LAMC1: variants seen among roughly 807,000 people sequenced by gnomAD.
The protein encoded by LAMC1 is laminin subunit gamma 1.
In LAMC1, 38 loss-of-function variants were observed where a neutral mutation model predicts 173.6. The observed-to-expected ratio is 0.22, with a 90% CI of 0.17 to 0.29. LAMC1 has a LOEUF of 0.29. Ranked by LOEUF, LAMC1 falls within the 10% of genes least tolerant of loss-of-function variation. The pLI is 1.00. For synonymous variants in LAMC1, 746 were observed against 749.1 expected (o/e 1.00, Z 0.07); for missense variants, 1,824 against 2,051.8 (o/e 0.89, Z 2.14).
At chr1:183,026,610 T>A (rs919235843) in intron 1 of LAMC1, among the ~76,000 whole-genome samples, 21 of 152,170 alleles carry the variant, frequency 1.4e-4, no homozygotes, top group Admixed American at 4.6e-4. Context: ...ATCTATTAAA[T>A]CTCCCTCCCA....
In LAMC1 at chr1:183,070,352, G is replaced by T. The variant is rs1470374203; in HGVS notation, c.419-32976G>T. On this transcript the variant is annotated intron_variant, in intron 1 of 27. Coordinates refer to ENST00000258341, the MANE Select transcript of LAMC1 (RefSeq NM_002293.4). ...GGACCAACTAGTGCTTCTGTTGGGGGTTCAGAGCTGAACCTCTTCTGCTGT... is the reference window on the plus strand; with the variant it reads ...GGACCAACTAGTGCTTCTGTTGGGGTTTCAGAGCTGAACCTCTTCTGCTGT... 2.6e-5 allele frequency among the ~76,000 whole-genome samples: 4 copies of T among 152,144 alleles called. No individual in the cohort carries two copies. The East Asian group carries it at 7.7e-4, about 29-fold the overall frequency.
At chr1:183,107,842 A>G (rs925174568) in intron 2 of LAMC1, among the ~76,000 whole-genome samples, 1 of 152,070 alleles carries the variant, frequency 6.6e-6, no homozygotes, top group African/African-American at 2.4e-5. Flanking sequence ...AAAAAAAGAA[A>G]AAAAAGGACA....
At chr1:183,142,076 G>A (rs1320028378) in intron 27 of LAMC1, among the ~76,000 whole-genome samples, 1 of 152,218 alleles carries the variant, frequency 6.6e-6, no homozygotes. Context: ...AGCAGAAAGT[G>A]ACCTTCAAAA....
At chr1:183,124,966 T>C (rs1656580492) in intron 14 of LAMC1, 90 bp downstream of exon 14, 2 of 1,475,192 alleles carry the variant, frequency 1.4e-6, no homozygotes, top group African/African-American at 1.4e-5. Context: ...TATAGTTGTT[T>C]AGTCCAATAG....
At chr1:183,063,680 A>T (rs369488816) in intron 1 of LAMC1, among the ~76,000 whole-genome samples, 13 of 152,218 alleles carry the variant, frequency 8.5e-5, no homozygotes, top group African/African-American at 3.1e-4. Context: ...AGAAACAAAA[A>T]CAAACACAGG....
chr1:183,140,496 G>A lies in LAMC1; in HGVS notation c.4566G>A (p.Glu1522=). 1 of 1,610,632 alleles carries A rather than the reference G, an allele frequency of 6.2e-7. No individual in the cohort carries two copies. Among genetic ancestry groups the A allele is most frequent in the Non-Finnish European group, 8.5e-7 (1 of 1,177,248 alleles). Residue 1522 remains glutamate, a synonymous_variant, in exon 27 of 28, where the codon GAG becomes GAA. Transcript: ENST00000258341. ...TCAGCATTATTAATGACCTCTTGGAGCAGCTGGGTACGTAGCCATAGAGTC... is the reference window on the plus strand; with the variant it reads ...TCAGCATTATTAATGACCTCTTGGAACAGCTGGGTACGTAGCCATAGAGTC... ...SLLSIINDLL[E]QLGQLDTVDL...
chr1:183,087,940 A>G (rs1028080097), intron 1 of LAMC1, among the ~76,000 whole-genome samples: 3 of 151,588 alleles, frequency 2.0e-5, no homozygotes, highest in Non-Finnish European at 4.4e-5. Context: ...CAGCCTCCCA[A>G]GTAGCTGGGA....
At chr1:183,059,839 C>G (rs1654695963) in intron 1 of LAMC1, among the ~76,000 whole-genome samples, 1 of 152,172 alleles carries the variant, frequency 6.6e-6, no homozygotes, top group African/African-American at 2.4e-5. Context: ...CACTTACAAA[C>G]TACGTGCATC....
intron 13 of LAMC1, 143 bp downstream of exon 13, chr1:183,122,394 T>A (rs1268832259): frequency 1.4e-6 from 1 of 732,608 alleles, no homozygotes; most frequent in African/African-American, 1.8e-5. Context: ...TGAGGCTCAC[T>A]CTCCTTGTTT....
chr1:183,125,159 T>C (rs191769673), intron 14 of LAMC1: 2 of 592,132 alleles, frequency 3.4e-6, no homozygotes, highest in East Asian at 5.7e-5. Flanking sequence ...TCAATAAAAA[T>C]TGTTAATGAA....
At chr1:183,093,475 C>T (rs969103343) in intron 1 of LAMC1, among the ~76,000 whole-genome samples, 1 of 152,176 alleles carries the variant, frequency 6.6e-6, no homozygotes, top group East Asian at 1.9e-4. Context: ...GGGTCCTCCC[C>T]ATTTCCCCCA....
Position 183,110,482 on chromosome 1 carries a change from C to G in LAMC1, c.855-6C>G. 6.2e-7 allele frequency: 1 copy of G among 1,605,088 alleles called. No homozygotes were observed. Among genetic ancestry groups the G allele is most frequent in the Non-Finnish European group, 8.5e-7 (1 of 1,173,748 alleles). On this transcript the variant is annotated splice_polypyrimidine_tract_variant and splice_region_variant and intron_variant, in intron 3 of 27. Transcript: ENST00000258341. ...CCATTTTTTGGAGTATCTCTTCTCT[C>G]CCCAGATGTAAATGTAATGGACACG... is the stretch of plus-strand genomic sequence containing the variant.
intron 2 of LAMC1, among the ~76,000 whole-genome samples, chr1:183,104,349 C>A (rs12097405): frequency 0.024 from 3,642 of 152,266 alleles, 146 homozygotes; most frequent in African/African-American, 0.083. Flanking sequence ...ATACGGAATT[C>A]TTCTATGTTG....
At chr1:183,031,949 T>C (rs1310578741) in intron 1 of LAMC1, among the ~76,000 whole-genome samples, 5 of 151,822 alleles carry the variant, frequency 3.3e-5, no homozygotes, top group Admixed American at 6.6e-5. Flanking sequence ...AAAAAACACA[T>C]ATGTAAAAGG....
At chr1:183,120,192 G>GAAAAA (rs1553257453) in intron 11 of LAMC1, among the ~76,000 whole-genome samples, 2 of 137,572 alleles carry the variant, frequency 1.5e-5, no homozygotes, top group Non-Finnish European at 3.1e-5. Flanking sequence ...AAAAAAAAAG[G>GAAAAA]TGGCGGGGTG....
chr1:183,085,581 G>A (rs896195371), intron 1 of LAMC1, among the ~76,000 whole-genome samples: 9 of 151,840 alleles, frequency 5.9e-5, no homozygotes, highest in Non-Finnish European at 8.8e-5. Context: ...TGTTGCCCAG[G>A]CTTGTCTTGA....
chr1:183,090,814 G>A (rs568830200), intron 1 of LAMC1, among the ~76,000 whole-genome samples: 21 of 152,252 alleles, frequency 1.4e-4, no homozygotes, highest in Admixed American at 1.2e-3. Context: ...CTGCCTGGTG[G>A]GGGGAGGGTG....
rs140649474 is a variant in LAMC1, at chr1:183,117,552, A to G, written c.1706A>G (p.Gln569Arg). The G allele has an allele frequency of 6.2e-7, 1 of 1,613,980 alleles. No homozygotes were observed. Among genetic ancestry groups the G allele is most frequent in the Admixed American group, 1.7e-5 (1 of 60,006 alleles). Residue 569 changes from glutamine (Q) to arginine (R), a missense_variant, in exon 10 of 28, where the codon CAG becomes CGG. Gln to Arg is a conservative substitution (Grantham distance 43). Transcript: ENST00000258341. The part of the protein sequence containing the change: ...FIAPAKFLGK[Q>R]VLSYGQNLSF... Reference sequence around the variant, plus strand: ...ATTCCAGCAAAGTTCTTGGGCAAGCAGGTGTTGAGTTATGGTCAGAACCTC... The same window carrying G: ...ATTCCAGCAAAGTTCTTGGGCAAGCGGGTGTTGAGTTATGGTCAGAACCTC...
chr1:183,114,397 A>C, intron 4 of LAMC1, 134 bp from the exon 5 acceptor site: 3 of 888,036 alleles, frequency 3.4e-6, no homozygotes, highest in Non-Finnish European at 5.6e-6. Context: ...TGAACAGTGC[A>C]TCTGGTAATC....
Sources: allele counts gnomAD v4.1 joint callset (sites outside exome capture counted in the v4.1 genomes callset), GRCh38; gene constraint gnomAD v4.1.1; transcripts MANE v1.5; gene names NCBI Gene and HGNC (gene_info 2026-07-23, HGNC 2026-07-21).